Variants in RBM19 observed in about 807,000 individuals in gnomAD.
RBM19 encodes the protein RNA binding motif protein 19, also known as probable RNA-binding protein 19.
RBM19 carries 94 observed loss-of-function variants against 116.8 expected under a neutral mutation model. The ratio of observed to expected loss-of-function variants is 0.80; its 90% CI spans 0.68 to 0.95. The LOEUF is 0.95. Among genes scored for constraint, RBM19 ranks in the 40% least tolerant of loss-of-function variants. The pLI is 0.00. For missense variants in RBM19, 1,161 were observed against 1,220.7 expected, an observed-to-expected ratio of 0.95 and a Z score of 0.73; for synonymous variants, 475 against 494.1, an observed-to-expected ratio of 0.96 and a Z score of 0.51.
intron 23 of RBM19, among the ~76,000 whole-genome samples, chr12:113,835,138 C>T (rs1278149447): frequency 6.6e-6 from 1 of 152,220 alleles, no homozygotes; most frequent in Non-Finnish European, 1.5e-5. Context: ...CATTAGCCAG[C>T]TTTTCTGAGC....
chr12:113,930,892 A>G (rs935380974), intron 16 of RBM19, among the ~76,000 whole-genome samples: 3 of 152,112 alleles, frequency 2.0e-5, no homozygotes, highest in African/African-American at 7.2e-5. Context: ...CCCTGCCACA[A>G]CCTAGCTGCA....
At chr12:113,864,614 G>A (rs1878668942) in intron 21 of RBM19, among the ~76,000 whole-genome samples, 1 of 152,210 alleles carries the variant, frequency 6.6e-6, no homozygotes, top group African/African-American at 2.4e-5. Flanking sequence ...AAGGGCCCCA[G>A]TTGTGGCAAG....
chr12:113,919,097 A>C (rs1882954763), intron 19 of RBM19, among the ~76,000 whole-genome samples: 1 of 152,210 alleles, frequency 6.6e-6, no homozygotes, highest in Non-Finnish European at 1.5e-5. Context: ...AGCCAATTTT[A>C]AGTTAAATGA....
intron 6 of RBM19, 139 bp downstream of exon 6, chr12:113,957,643 G>A: frequency 2.3e-6 from 3 of 1,285,246 alleles, no homozygotes; most frequent in Non-Finnish European, 3.0e-6. Flanking sequence ...CAAGCGGCAG[G>A]GCCAAGATCG....
At chr12:113,912,648 G>T (rs1347502475) in intron 21 of RBM19, among the ~76,000 whole-genome samples, 1 of 152,208 alleles carries the variant, frequency 6.6e-6, no homozygotes, top group African/African-American at 2.4e-5. Flanking sequence ...TTCTGCACGG[G>T]AAGGCATTCA....
intron 21 of RBM19, among the ~76,000 whole-genome samples, chr12:113,864,458 G>A (rs1467704392): frequency 1.3e-5 from 2 of 152,114 alleles, no homozygotes; most frequent in African/African-American, 4.8e-5. Flanking sequence ...CTGCTCCCCT[G>A]GCCCCATCCT....
chr12:113,864,479 C>T (rs777142570), intron 21 of RBM19, among the ~76,000 whole-genome samples: 2 of 152,128 alleles, frequency 1.3e-5, no homozygotes, highest in African/African-American at 4.8e-5. Context: ...AAAGAAGGGC[C>T]CCACCAGTGA....
intron 5 of RBM19, among the ~76,000 whole-genome samples, chr12:113,958,640 C>T (rs1273576591): frequency 1.3e-5 from 2 of 152,182 alleles, no homozygotes; most frequent in African/African-American, 2.4e-5. Flanking sequence ...GGCATAACTG[C>T]ACTAAATGTA....
chr12:113,868,703 GAGA>G (rs1395143660), intron 21 of RBM19, among the ~76,000 whole-genome samples: 2 of 152,206 alleles, frequency 1.3e-5, no homozygotes, highest in Non-Finnish European at 2.9e-5. Context: ...TATGGGAGAG[GAGA>G]AGAAGGCAGT....
At chr12:113,860,373 C>T (rs970698436) in intron 21 of RBM19, among the ~76,000 whole-genome samples, 9 of 152,364 alleles carry the variant, frequency 5.9e-5, no homozygotes, top group African/African-American at 2.2e-4. Flanking sequence ...CTCTTCCCTC[C>T]ACCAAAGCCC....
chr12:113,938,200 A>G (rs976361498), intron 15 of RBM19, among the ~76,000 whole-genome samples: 8 of 152,172 alleles, frequency 5.3e-5, no homozygotes, highest in Admixed American at 3.9e-4. Context: ...CTCCCAAAGC[A>G]GAAGGAAGAA....
Position 113,903,489 on chromosome 12 carries a change from C to A in RBM19, c.2558+11480G>T, listed in dbSNP as rs1215940739. On this transcript the variant is annotated intron_variant, in intron 21 of 23. Coordinates refer to ENST00000261741, the MANE Select transcript of RBM19 (RefSeq NM_016196.4). The surrounding 1 kb of genome is among the most constrained non-coding windows in gnomAD (Gnocchi z 5.1). ...TTGTTGATGCCCAAGAGTGCAATCA[C>A]TGGGTCATAGAGAAAGTGCACGTTT... is the stretch of plus-strand genomic sequence containing the variant. Among the ~76,000 whole-genome samples, 4 of 152,180 alleles carry A rather than the reference C, an allele frequency of 2.6e-5. No homozygotes were observed.
Position 113,936,916 on chromosome 12 carries a change from A to C in RBM19, c.2068+91T>G, listed in dbSNP as rs1253234435. On this transcript the variant is annotated intron_variant, in intron 16 of 23. Coordinates refer to ENST00000261741, the MANE Select transcript of RBM19 (RefSeq NM_016196.4). ...GCATGAACAAAGAGCTTTAAACCAGAGGCTTGATAAGAAACTTCACGCTGC... is the reference window on the plus strand; with the variant it reads ...GCATGAACAAAGAGCTTTAAACCAGCGGCTTGATAAGAAACTTCACGCTGC... 3 of 1,498,082 alleles carry C rather than the reference A, an allele frequency of 2.0e-6. No homozygotes were observed. In the Admixed American group the frequency reaches 6.3e-5, roughly 32 times the overall value. 92.8% of individuals were successfully genotyped at this position (1,498,082 alleles called of 1,614,324 possible).
chr12:113,959,532 C>T, intron 4 of RBM19, 128 bp from the exon 5 acceptor site: 2 of 1,132,050 alleles, frequency 1.8e-6, no homozygotes, highest in Non-Finnish European at 2.5e-6. Flanking sequence ...GCTAATTTCC[C>T]CCATTCTCTG....
chr12:113,839,253 C>T (rs573267840), intron 23 of RBM19, among the ~76,000 whole-genome samples: 11 of 152,332 alleles, frequency 7.2e-5, no homozygotes, highest in African/African-American at 2.4e-4. Context: ...GAAAAGGGCA[C>T]AGGGTGGGGA....
At chr12:113,907,229 C>T (rs1038013306) in intron 21 of RBM19, among the ~76,000 whole-genome samples, 24 of 152,172 alleles carry the variant, frequency 1.6e-4, no homozygotes, top group African/African-American at 5.6e-4. Context: ...GTCTTCAGAA[C>T]GCTCATGCCA....
At chr12:113,891,820 A>G (rs1880981578) in intron 21 of RBM19, among the ~76,000 whole-genome samples, 1 of 152,222 alleles carries the variant, frequency 6.6e-6, no homozygotes, top group South Asian at 2.1e-4. Context: ...TCAGGTAGGC[A>G]GAGTATAATT....
rs115804684 is a variant in RBM19, at chr12:113,891,897, G to A, written c.2558+23072C>T. 4.8e-3 allele frequency among the ~76,000 whole-genome samples: 736 copies of A among 152,224 alleles called. 5 individuals are homozygous for A. The highest frequency in any genetic ancestry group is 0.017 in the African/African-American group (692 of 41,546). ...CCAATGTGATTCCCTCTGTCTTCCC[G>A]CTCATTTCCCTGTAGAAAGCCTTTG... On this transcript the variant is annotated intron_variant, in intron 21 of 23. Transcript: ENST00000261741.
At chr12:113,943,677 G>A (rs1870767262) in intron 13 of RBM19, among the ~76,000 whole-genome samples, 1 of 151,950 alleles carries the variant, frequency 6.6e-6, no homozygotes, top group Non-Finnish European at 1.5e-5. Flanking sequence ...TACAAAATTA[G>A]CCAGGCATGG....
Sources: allele counts gnomAD v4.1 joint callset (sites outside exome capture counted in the v4.1 genomes callset), GRCh38; gene constraint gnomAD v4.1.1; non-coding constraint Gnocchi (gnomAD v3.1); transcripts MANE v1.5; gene names NCBI Gene and HGNC (gene_info 2026-07-23, HGNC 2026-07-21).